TMBIM6: variants seen among roughly 807,000 people sequenced by gnomAD.
The protein encoded by TMBIM6 is bax inhibitor 1.
TMBIM6 carries 13 observed loss-of-function variants against 31.4 expected under a neutral mutation model. That is an observed-to-expected ratio of 0.41 (90% confidence interval 0.27 to 0.66). The LOEUF is 0.66. Ranked by LOEUF, TMBIM6 falls within the 30% of genes least tolerant of loss-of-function variation. The pLI, the probability that TMBIM6 is intolerant of heterozygous loss-of-function variation, is 0.28. For synonymous variants in TMBIM6, 85 were observed against 101.7 expected, an observed-to-expected ratio of 0.84 and a Z score of 0.99; for missense variants, 275 against 289.5, an observed-to-expected ratio of 0.95 and a Z score of 0.36.
intron 1 of TMBIM6, chr12:49,742,164 G>T (rs777329151): frequency 8.7e-6 from 14 of 1,613,096 alleles, no homozygotes; most frequent in Middle Eastern, 3.3e-4. Context: ...GACACGCGAG[G>T]CTCCTCAGTT....
intron 1 of TMBIM6, chr12:49,741,896 G>A (rs1945301363): frequency 3.4e-6 from 2 of 592,202 alleles, no homozygotes; most frequent in Non-Finnish European, 5.7e-6. Context: ...GAGCGCTGGC[G>A]AAGGCCCCTT....
At chr12:49,758,871 A>G (rs1945659950) in intron 7 of TMBIM6, 109 bp downstream of exon 7, 4 of 927,752 alleles carry the variant, frequency 4.3e-6, no homozygotes, top group South Asian at 1.5e-5. Flanking sequence ...AGTGCTCTCT[A>G]AGCCTTCCCA....
intron 1 of TMBIM6, among the ~76,000 whole-genome samples, chr12:49,746,304 G>C (rs1945393174): frequency 6.6e-6 from 1 of 151,626 alleles, no homozygotes; most frequent in South Asian, 2.1e-4. Flanking sequence ...GGCTGGTCTC[G>C]AACTCCTGAC....
Position 49,759,296 on chromosome 12 carries a change from G to A in TMBIM6, c.589G>A (p.Glu197Lys), listed in dbSNP as rs779958407. 11 of 1,613,876 alleles carry A rather than the reference G, an allele frequency of 6.8e-6. No homozygotes were observed. Among genetic ancestry groups the A allele is most frequent in the East Asian group, 6.7e-5 (3 of 44,898 alleles). The change falls in exon 8 of 10, where the codon GAA becomes AAA. Residue 197 changes from glutamate (E) to lysine (K), a missense_variant. By Grantham distance (56) the Glu-to-Lys change is moderately conservative. Transcript: ENST00000267115. Reference sequence around the variant, plus strand: ...TACTCAACTCATTATTGAAAAGGCCGAACATGGAGATCAAGATTATATCTG... The same window carrying A: ...TACTCAACTCATTATTGAAAAGGCCAAACATGGAGATCAAGATTATATCTG... ...FDTQLIIEKAEHGDQDYIWHC... is the reference protein window; with the variant it reads ...FDTQLIIEKAKHGDQDYIWHC...
chr12:49,757,701 AGAAG>A (rs1195344262), intron 4 of TMBIM6, among the ~76,000 whole-genome samples: 1 of 152,244 alleles, frequency 6.6e-6, no homozygotes, highest in Non-Finnish European at 1.5e-5. Context: ...TGGAATTATC[AGAAG>A]GAAAGAGGAA....
At chr12:49,756,371 T>A (rs1418538732) in intron 4 of TMBIM6, among the ~76,000 whole-genome samples, 1 of 151,132 alleles carries the variant, frequency 6.6e-6, no homozygotes, top group Non-Finnish European at 1.5e-5. Context: ...CTTGACCTAG[T>A]GATCCACCCA....
intron 1 of TMBIM6, chr12:49,743,481 C>G (rs961036107): frequency 6.6e-6 from 1 of 152,000 alleles, no homozygotes. Context: ...GCGATTCGCC[C>G]GCCTTGACCT....
At position 49,752,520 on chromosome 12, in the gene TMBIM6, C is replaced by G; in HGVS notation, c.27C>G (p.Asn9Lys). MNIFDRKI[N>K]FDALLKFSHI... ...TGAACATATTTGATCGAAAGATCAA[C>G]TTTGATGCGCTTTTAAAATTTTCTC... Residue 9 changes from asparagine to lysine, a missense_variant, in exon 2 of 10, where the codon AAC (asparagine) becomes AAG (lysine). Coordinates refer to ENST00000267115, the MANE Select transcript of TMBIM6 (RefSeq NM_003217.3). The G allele has an allele frequency of 6.2e-7, 1 of 1,613,610 alleles. No homozygotes were observed.
At chr12:49,752,037 T>C (rs1945503538) in intron 1 of TMBIM6, among the ~76,000 whole-genome samples, 1 of 152,186 alleles carries the variant, frequency 6.6e-6, no homozygotes, top group South Asian at 2.1e-4. Context: ...GTGCTGGGAT[T>C]ATAGGCCTCA....
intron 4 of TMBIM6, 55 bp from the exon 5 acceptor site, chr12:49,758,172 G>A: frequency 6.2e-7 from 1 of 1,602,946 alleles, no homozygotes; most frequent in Non-Finnish European, 8.5e-7. Flanking sequence ...TTTTGGATGA[G>A]GATCCTATTC....
intron 1 of TMBIM6, among the ~76,000 whole-genome samples, chr12:49,748,672 T>G (rs1945439850): frequency 6.6e-6 from 1 of 152,222 alleles, no homozygotes; most frequent in Non-Finnish European, 1.5e-5. Context: ...CCTGAACATT[T>G]ACTTTTCAGT....
At chr12:49,759,846 CT>C (rs796517479) in intron 8 of TMBIM6, among the ~76,000 whole-genome samples, 9 of 148,128 alleles carry the variant, frequency 6.1e-5, no homozygotes, top group African/African-American at 2.2e-4. Flanking sequence ...GGCACGGTGG[CT>C]CACGCCTGTA....
intron 2 of TMBIM6, 149 bp from the exon 3 acceptor site, chr12:49,752,824 A>G (rs1366691911): frequency 1.2e-6 from 1 of 802,562 alleles, no homozygotes; most frequent in Non-Finnish European, 1.9e-6. Flanking sequence ...ATTATTTTTT[A>G]TTGTAATATG....
In TMBIM6 at chr12:49,742,106, A is replaced by G. The variant is rs775503949; in HGVS notation, c.-31+495A>G. On this transcript the variant is annotated intron_variant, in intron 1 of 9. Transcript: ENST00000267115. Reference sequence around the variant, plus strand: ...GACCCTGGGTGAGCGGCCCGGAGCCAAGACTCGAGGTAGGGCCTGGCGGGC... The same window carrying G: ...GACCCTGGGTGAGCGGCCCGGAGCCGAGACTCGAGGTAGGGCCTGGCGGGC... The G allele has an allele frequency of 3.1e-6, 5 of 1,603,236 alleles. No individual in the cohort carries two copies. In the East Asian group the frequency reaches 9.0e-5, roughly 29 times the overall value.
At chr12:49,757,168 TC>T (rs1945618824) in intron 4 of TMBIM6, among the ~76,000 whole-genome samples, 2 of 152,174 alleles carry the variant, frequency 1.3e-5, no homozygotes, top group Admixed American at 6.5e-5. Context: ...TGCCTGGCCT[TC>T]CTGGCCTGCT....
rs1301830986 is a variant in TMBIM6 at position 49,764,527 on chromosome 12, G to A, written c.*1631G>A. 1 of 152,506 alleles carries A rather than the reference G, an allele frequency of 6.6e-6. No homozygotes were observed. The highest frequency in any genetic ancestry group is 1.9e-4 in the East Asian group (1 of 5,194). 9.4% of individuals were successfully genotyped at this position (152,506 alleles called of 1,614,324 possible). On this transcript the variant is annotated 3_prime_UTR_variant, in exon 10 of 10. Coordinates refer to ENST00000267115, the MANE Select transcript of TMBIM6 (RefSeq NM_003217.3). ...AGCTGCTGCCTCCAGCCTCTGGCTT[G>A]AGAACTTACTAAAGGCACTTCCTTC...
In TMBIM6 at chr12:49,763,265, C is replaced by T; in HGVS notation, c.*369C>T. Reference sequence around the variant, plus strand: ...AGTGGACCTGAACTGTTTGGTAGAGCCACCCGGCCCTTCCTTCCTCATTGT... The same window carrying T: ...AGTGGACCTGAACTGTTTGGTAGAGTCACCCGGCCCTTCCTTCCTCATTGT... On this transcript the variant is annotated 3_prime_UTR_variant, in exon 10 of 10. Transcript: ENST00000267115. 5.4e-6 allele frequency: 1 copy of T among 186,460 alleles called. No homozygotes were observed. The highest frequency in any genetic ancestry group is 2.4e-5 in the African/African-American group (1 of 42,504). The allele number at this position is 186,460 out of a possible 1,614,324, so 11.6% of individuals were successfully genotyped here.
intron 1 of TMBIM6, among the ~76,000 whole-genome samples, chr12:49,747,038 A>G (rs931614684): frequency 5.9e-5 from 9 of 151,912 alleles, no homozygotes; most frequent in African/African-American, 1.9e-4. Flanking sequence ...GGGTGTCACC[A>G]TGTTGGCCAG....
rs772738878 is a variant in TMBIM6 at position 49,752,957 on chromosome 12, C to T, written c.57-16C>T. On this transcript the variant is annotated splice_polypyrimidine_tract_variant and intron_variant, in intron 2 of 9. Transcript: ENST00000267115. ...TGATCTGGGACTGATTGCTCTTATT[C>T]ACATTCTTTTCTTAGAACCCCGTCA... 6.2e-7 allele frequency: 1 copy of T among 1,610,406 alleles called. No individual in the cohort carries two copies. The highest frequency in any genetic ancestry group is 1.3e-5 in the African/African-American group (1 of 74,734).
Sources: allele counts gnomAD v4.1 joint callset (sites outside exome capture counted in the v4.1 genomes callset), GRCh38; gene constraint gnomAD v4.1.1; transcripts MANE v1.5; gene names NCBI Gene and HGNC (gene_info 2026-07-23, HGNC 2026-07-21).